Variants in PCDHA3 observed in about 807,000 individuals in gnomAD.
PCDHA3 encodes the protein protocadherin alpha 3.
In PCDHA3, 41 loss-of-function variants were observed where a neutral mutation model predicts 62.2. The ratio of observed to expected loss-of-function variants is 0.66; its 90% CI spans 0.51 to 0.86. The LOEUF (loss-of-function observed/expected upper bound fraction) is 0.86, where lower values mean the gene tolerates loss of function less well. Ranked by LOEUF, PCDHA3 falls within the 40% of genes least tolerant of loss-of-function variation. The probability of loss-of-function intolerance (pLI) is 0.00; values close to 1 mark genes in which losing one functional copy is unlikely to be tolerated. For synonymous variants in PCDHA3, 640 were observed against 555.4 expected (o/e 1.15, Z -2.14); for missense variants, 1,304 against 1,241.2 (o/e 1.05, Z -0.76).
intron 1 of PCDHA3, among the ~76,000 whole-genome samples, chr5:140,915,680 A>G (rs2077249777): frequency 6.6e-6 from 1 of 150,862 alleles, no homozygotes; most frequent in South Asian, 2.1e-4. Context: ...ATCTTGAACT[A>G]GGGGTATGGT....
intron 1 of PCDHA3, chr5:140,829,426 G>A: frequency 6.2e-7 from 1 of 1,614,124 alleles, no homozygotes; most frequent in Non-Finnish European, 8.5e-7. Flanking sequence ...CTGTGGAGGT[G>A]GCCGACATGA....
intron 1 of PCDHA3, chr5:140,882,792 A>C (rs367665995): frequency 6.2e-7 from 1 of 1,614,144 alleles, no homozygotes; most frequent in Non-Finnish European, 8.5e-7. Flanking sequence ...CTGGATCCCA[A>C]CGATTATTTC....
Position 141,009,957 on chromosome 5 carries a change from G to T in PCDHA3, c.*20G>T. ...CAGTGAGGTCCTCAAATGGAAACAA[G>T]CCACTTAGCCAGTTTTTGTAATAAT... On this transcript the variant is annotated 3_prime_UTR_variant, in exon 4 of 4. Coordinates refer to ENST00000522353, the MANE Select transcript of PCDHA3 (RefSeq NM_018906.3). 1 of 1,589,160 alleles carries T rather than the reference G, an allele frequency of 6.3e-7. No homozygotes were observed. Among genetic ancestry groups the T allele is most frequent in the Non-Finnish European group, 8.5e-7 (1 of 1,171,102 alleles).
chr5:140,876,195 G>T lies in PCDHA3; in HGVS notation c.2394+72604G>T, dbSNP rs1554168359. On this transcript the variant is annotated intron_variant, in intron 1 of 3. Transcript: ENST00000522353. The stretch of plus-strand genomic sequence containing the variant: ...TGGATGTGAATGACAATGGTCCGGC[G>T]TTTGATAAGCCCAGCTATAAAGTAG... 4 of 1,613,946 alleles carry T rather than the reference G, an allele frequency of 2.5e-6. No homozygotes were observed. In the South Asian group the frequency reaches 4.4e-5, roughly 18 times the overall value.
At chr5:140,823,772 T>C in intron 1 of PCDHA3, 1 of 1,613,812 alleles carries the variant, frequency 6.2e-7, no homozygotes, top group Non-Finnish European at 8.5e-7. Context: ...ACAGTGCTGG[T>C]GTCGCTGGTG....
At chr5:140,978,839 CT>C in intron 1 of PCDHA3, 109 bp from the exon 2 acceptor site, 3 of 1,556,998 alleles carry the variant, frequency 1.9e-6, no homozygotes, top group Non-Finnish European at 2.6e-6. Context: ...TCATTCAATA[CT>C]TTTTTAGATG....
Position 140,843,222 on chromosome 5 carries a change from C to T in PCDHA3, c.2394+39631C>T, listed in dbSNP as rs2150355483. On this transcript the variant is annotated intron_variant, in intron 1 of 3. Coordinates refer to ENST00000522353, the MANE Select transcript of PCDHA3 (RefSeq NM_018906.3). ...CTGTACACGGGCGAGATCAGCACCA[C>T]TCGTGTCCTGGACGAAGCGGACTCT... is the stretch of plus-strand genomic sequence containing the variant. 32 of 1,596,168 alleles carry T rather than the reference C, an allele frequency of 2.0e-5. 4 individuals are homozygous for T. Among genetic ancestry groups the T allele is most frequent in the Non-Finnish European group, 2.5e-5 (29 of 1,165,638 alleles).
chr5:140,857,674 G>A lies in PCDHA3; in HGVS notation c.2394+54083G>A, dbSNP rs1581464423. 2.5e-6 allele frequency: 4 copies of A among 1,596,892 alleles called. No individual in the cohort carries two copies. In the East Asian group the frequency reaches 6.7e-5, roughly 27 times the overall value. ...TGAGCGCGCGCGATGGGGGCGTGCC[G>A]CCTCTGGGCAGCAACTTGACGCTGC... On this transcript the variant is annotated intron_variant, in intron 1 of 3. Coordinates refer to ENST00000522353, the MANE Select transcript of PCDHA3 (RefSeq NM_018906.3).
intron 3 of PCDHA3, among the ~76,000 whole-genome samples, chr5:140,993,365 A>G (rs1207264244): frequency 1.3e-5 from 2 of 151,422 alleles, no homozygotes; most frequent in Admixed American, 6.6e-5. Flanking sequence ...CACAAAAACT[A>G]CCTCCCAGCC....
At chr5:140,968,540 G>A (rs1554230842) in intron 1 of PCDHA3, 8 of 1,614,064 alleles carry the variant, frequency 5.0e-6, no homozygotes, top group Non-Finnish European at 1.7e-6. Context: ...AGCAGCCTTC[G>A]AGATGGTGCC....
chr5:140,840,432 C>T (rs1458512943), intron 1 of PCDHA3, among the ~76,000 whole-genome samples: 2 of 151,722 alleles, frequency 1.3e-5, no homozygotes, highest in Non-Finnish European at 2.9e-5. Flanking sequence ...TAGTTTAAAG[C>T]CGTGGAAATA....
At chr5:140,833,888 A>G (rs1308828787) in intron 1 of PCDHA3, among the ~76,000 whole-genome samples, 1 of 152,208 alleles carries the variant, frequency 6.6e-6, no homozygotes, top group Non-Finnish European at 1.5e-5. Context: ...CCTGGGATCT[A>G]GATCAAAGGA....
At position 140,869,619 on chromosome 5, in the gene PCDHA3, A is replaced by G. The variant is rs369497274; in HGVS notation, c.2394+66028A>G. On this transcript the variant is annotated intron_variant, in intron 1 of 3. Transcript: ENST00000522353. ...AGAATGCTCTATTGACCTACAGGCT[A>G]AGTAAAAATGAGTATTTTTCTTTAG... The G allele has an allele frequency of 6.6e-5, 106 of 1,613,784 alleles. 2 individuals carry two copies. The Middle Eastern group carries it at 4.9e-3, about 75-fold the overall frequency.
At chr5:140,827,753 TTTAAA>T (rs1769386712) in intron 1 of PCDHA3, among the ~76,000 whole-genome samples, 1 of 152,340 alleles carries the variant, frequency 6.6e-6, no homozygotes, top group South Asian at 2.1e-4. Context: ...GATCCCTTAC[TTTAAA>T]TTAATAAAAG....
At chr5:140,849,566 T>C in intron 1 of PCDHA3, 2 of 1,598,556 alleles carry the variant, frequency 1.3e-6, no homozygotes, top group Non-Finnish European at 1.7e-6. Flanking sequence ...CGCTCTCGGT[T>C]CCTGTAAAAG....
chr5:140,966,075 T>C (rs1164431515), intron 1 of PCDHA3: 1 of 153,402 alleles, frequency 6.5e-6, no homozygotes, highest in Non-Finnish European at 1.4e-5. Context: ...CCCTGCGTTG[T>C]TTCCTTTTAA....
intron 1 of PCDHA3, chr5:140,817,470 C>T (rs2150098250): frequency 6.6e-6 from 1 of 152,180 alleles, no homozygotes; most frequent in South Asian, 2.1e-4. Context: ...GATGTCACTA[C>T]CTCTGTTATC....
At chr5:140,804,771 C>A in intron 1 of PCDHA3, 1 of 250,822 alleles carries the variant, frequency 4.0e-6, no homozygotes, top group Non-Finnish European at 7.6e-6. Flanking sequence ...AGTTGGACTC[C>A]CATTTAAGTT....
chr5:140,943,804 G>C (rs996208541), intron 1 of PCDHA3, among the ~76,000 whole-genome samples: 2 of 152,224 alleles, frequency 1.3e-5, no homozygotes, highest in Non-Finnish European at 2.9e-5. Flanking sequence ...AGCAAAAGAG[G>C]AAAGTTTGAA....
Sources: allele counts gnomAD v4.1 joint callset (sites outside exome capture counted in the v4.1 genomes callset), GRCh38; gene constraint gnomAD v4.1.1; transcripts MANE v1.5; gene names NCBI Gene and HGNC (gene_info 2026-07-23, HGNC 2026-07-21).